The following CACNA1D variants were observed in gnomAD, a reference collection of about 807,000 sequenced individuals.
CACNA1D encodes calcium voltage-gated channel subunit alpha1 D, also known as voltage-dependent L-type calcium channel subunit alpha-1D.
A neutral mutation model predicts 257.1 loss-of-function variants in CACNA1D; 55 were observed. The ratio of observed to expected loss-of-function variants is 0.21; its 90% CI spans 0.17 to 0.27. CACNA1D has a LOEUF of 0.27. Ranked by LOEUF, CACNA1D falls within the 10% of genes least tolerant of loss-of-function variation. CACNA1D has a pLI of 1.00. For synonymous variants in CACNA1D, 980 were observed against 1,014.9 expected, an observed-to-expected ratio of 0.97 and a Z score of 0.65; for missense variants, 1,876 against 2,784.0, an observed-to-expected ratio of 0.67 and a Z score of 7.34.
At chr3:53,689,859 T>C (rs1176463319) in intron 8 of CACNA1D, among the ~76,000 whole-genome samples, 1 of 152,118 alleles carries the variant, frequency 6.6e-6, no homozygotes, top group African/African-American at 2.4e-5. Context: ...ACAGGATCTC[T>C]CTATGTTGCC....
chr3:53,736,340 C>G (rs1289365299), intron 20 of CACNA1D, among the ~76,000 whole-genome samples: 1 of 147,824 alleles, frequency 6.8e-6, no homozygotes, highest in African/African-American at 2.5e-5. Context: ...GACCTTGTCT[C>G]AAAGAAAAAA....
At chr3:53,787,654 G>C (rs1347201770) in intron 40 of CACNA1D, among the ~76,000 whole-genome samples, 1 of 152,132 alleles carries the variant, frequency 6.6e-6, no homozygotes, top group Admixed American at 6.5e-5. Context: ...TGCATGCGAG[G>C]AATGTAGAAA....
intron 37 of CACNA1D, 59 bp from the exon 38 acceptor site, chr3:53,779,967 G>A: frequency 8.8e-7 from 1 of 1,140,156 alleles, no homozygotes; most frequent in Non-Finnish European, 1.3e-6. Flanking sequence ...ACATCCAAAA[G>A]GATATGGTCG....
chr3:53,502,528 C>T (rs2090649903), intron 3 of CACNA1D, among the ~76,000 whole-genome samples: 1 of 150,728 alleles, frequency 6.6e-6, no homozygotes, highest in South Asian at 2.1e-4. Flanking sequence ...ATGGAACTTC[C>T]TTTGGGAAAG....
chr3:53,560,371 G>A (rs1479893578), intron 3 of CACNA1D, among the ~76,000 whole-genome samples: 2 of 152,128 alleles, frequency 1.3e-5, no homozygotes, highest in Non-Finnish European at 2.9e-5. Flanking sequence ...CATCTTGCCT[G>A]GAACTGGAGC....
At chr3:53,676,421 A>G (rs1198492260) in intron 8 of CACNA1D, among the ~76,000 whole-genome samples, 1 of 152,210 alleles carries the variant, frequency 6.6e-6, no homozygotes, top group Non-Finnish European at 1.5e-5. Flanking sequence ...AGGGAACACT[A>G]GAGGTACTGC....
intron 45 of CACNA1D, chr3:53,808,392 C>T (rs948052578): frequency 9.9e-5 from 43 of 434,712 alleles, no homozygotes; most frequent in Non-Finnish European, 1.5e-4. Context: ...CCAGCCTGGG[C>T]GACAGAGCCA....
intron 3 of CACNA1D, among the ~76,000 whole-genome samples, chr3:53,563,314 A>G (rs575494537): frequency 6.6e-6 from 1 of 152,282 alleles, no homozygotes; most frequent in South Asian, 2.1e-4. Flanking sequence ...ACCTGAGGTC[A>G]GGAGTTCAAG....
intron 16 of CACNA1D, 126 bp from the exon 17 acceptor site, chr3:53,730,951 G>T: frequency 1.4e-6 from 1 of 690,226 alleles, no homozygotes; most frequent in Non-Finnish European, 2.6e-6. Flanking sequence ...GGCTCTTGTG[G>T]TTAGTGTTGT....
intron 3 of CACNA1D, among the ~76,000 whole-genome samples, chr3:53,624,032 A>G: frequency 6.6e-6 from 1 of 152,212 alleles, no homozygotes; most frequent in East Asian, 1.9e-4. Flanking sequence ...TTCTGATGAA[A>G]GTTACCCATC....
intron 8 of CACNA1D, among the ~76,000 whole-genome samples, chr3:53,685,670 A>G (rs1359986728): frequency 6.6e-6 from 1 of 152,176 alleles, no homozygotes; most frequent in Admixed American, 6.5e-5. Flanking sequence ...CAGGCTGTTT[A>G]TAAACCTTCC....
chr3:53,677,167 C>T (rs2108439654), intron 8 of CACNA1D, among the ~76,000 whole-genome samples: 1 of 152,250 alleles, frequency 6.6e-6, no homozygotes, highest in South Asian at 2.1e-4. Context: ...GTTGGCTCTG[C>T]CTCCTTCTCC....
intron 3 of CACNA1D, among the ~76,000 whole-genome samples, chr3:53,597,894 A>G (rs1057059122): frequency 6.6e-6 from 1 of 152,230 alleles, no homozygotes. Flanking sequence ...GGTTGGTGCA[A>G]AAGTAACTGC....
chr3:53,593,911 C>T (rs1016268980), intron 3 of CACNA1D, among the ~76,000 whole-genome samples: 1 of 152,188 alleles, frequency 6.6e-6, no homozygotes, highest in South Asian at 2.1e-4. Flanking sequence ...GCAGGAGCTT[C>T]AGTCAGAAAC....
chr3:53,649,309 A>C (rs1424287864), intron 3 of CACNA1D, among the ~76,000 whole-genome samples: 1 of 152,258 alleles, frequency 6.6e-6, no homozygotes, highest in East Asian at 1.9e-4. Flanking sequence ...CTTCAGAAAC[A>C]TAAAATTTAT....
chr3:53,512,960 A>C (rs372422176), intron 3 of CACNA1D, among the ~76,000 whole-genome samples: 1 of 152,238 alleles, frequency 6.6e-6, no homozygotes, highest in Non-Finnish European at 1.5e-5. Context: ...TCATTTGACC[A>C]TAGATTGCCA....
At chr3:53,603,974 T>A (rs1178939764) in intron 3 of CACNA1D, among the ~76,000 whole-genome samples, 2 of 152,206 alleles carry the variant, frequency 1.3e-5, no homozygotes, top group Non-Finnish European at 2.9e-5. Context: ...GCAGGAAGAT[T>A]TAGTAGAGGG....
At chr3:53,633,057 AT>A (rs769860857) in intron 3 of CACNA1D, among the ~76,000 whole-genome samples, 11 of 152,248 alleles carry the variant, frequency 7.2e-5, no homozygotes, top group Non-Finnish European at 1.3e-4. Flanking sequence ...AAAAAATTGC[AT>A]TGTCTGTGAA....
chr3:53,578,574 A>G (rs1427439392), intron 3 of CACNA1D, among the ~76,000 whole-genome samples: 1 of 152,144 alleles, frequency 6.6e-6, no homozygotes, highest in East Asian at 1.9e-4. Context: ...GATGGTGAGG[A>G]TGAATCTGTG....
Sources: allele counts gnomAD v4.1 joint callset (sites outside exome capture counted in the v4.1 genomes callset), GRCh38; gene constraint gnomAD v4.1.1; transcripts MANE v1.5; gene names NCBI Gene and HGNC (gene_info 2026-07-23, HGNC 2026-07-21).